FAF1: variants seen among roughly 807,000 people sequenced by gnomAD.
The protein encoded by FAF1 is FAS-associated factor 1.
In FAF1, 25 loss-of-function variants were observed where a neutral mutation model predicts 92.5. That is an observed-to-expected ratio of 0.27 (90% confidence interval 0.20 to 0.38). The LOEUF (loss-of-function observed/expected upper bound fraction) is 0.38, where lower values mean the gene tolerates loss of function less well. Among genes scored for constraint, FAF1 ranks in the 10% least tolerant of loss-of-function variants. FAF1 has a pLI of 1.00. For missense variants in FAF1, 636 were observed against 793.3 expected (o/e 0.80, Z 2.38); for synonymous variants, 234 against 273.2 (o/e 0.86, Z 1.42).
intron 13 of FAF1, 125 bp downstream of exon 13, chr1:50,566,952 T>C (rs146559295): frequency 3.1e-6 from 2 of 637,944 alleles, no homozygotes; most frequent in East Asian, 2.9e-5. Flanking sequence ...GAGCAGCTTT[T>C]GTCTAATGAA....
At chr1:50,782,242 G>A (rs1661205094) in intron 4 of FAF1, among the ~76,000 whole-genome samples, 2 of 151,738 alleles carry the variant, frequency 1.3e-5, no homozygotes, top group Non-Finnish European at 1.5e-5. Flanking sequence ...GTATTCTAAA[G>A]GTATCATTAC....
intron 1 of FAF1, among the ~76,000 whole-genome samples, chr1:50,871,198 T>C (rs927155138): frequency 1.3e-5 from 2 of 152,132 alleles, no homozygotes; most frequent in African/African-American, 2.4e-5. Context: ...CTTGCAGAGG[T>C]TGGCTCAAGA....
At chr1:50,724,255 A>C (rs1199576915) in intron 6 of FAF1, among the ~76,000 whole-genome samples, 3 of 139,356 alleles carry the variant, frequency 2.2e-5, no homozygotes, top group Admixed American at 1.5e-4. Context: ...AAAAAAAAAA[A>C]CAACCATATA....
chr1:50,622,492 T>C (rs1165694706), intron 8 of FAF1, among the ~76,000 whole-genome samples: 1 of 152,198 alleles, frequency 6.6e-6, no homozygotes, highest in Non-Finnish European at 1.5e-5. Flanking sequence ...GAAGTGGCAC[T>C]TCCAGGCCGC....
intron 6 of FAF1, among the ~76,000 whole-genome samples, chr1:50,708,856 C>A (rs887461145): frequency 6.6e-6 from 1 of 152,118 alleles, no homozygotes; most frequent in African/African-American, 2.4e-5. Context: ...CCAAATGCTA[C>A]TGAGGCATTA....
In FAF1 at chr1:50,583,774, A is replaced by C; in HGVS notation, c.968-59T>G. 1 of 1,061,502 alleles carries C rather than the reference A, an allele frequency of 9.4e-7. No individual in the cohort carries two copies. The highest frequency in any genetic ancestry group is 1.4e-6 in the Non-Finnish European group (1 of 709,164). 65.8% of individuals were successfully genotyped at this position (1,061,502 alleles called of 1,614,324 possible). On this transcript the variant is annotated intron_variant, in intron 10 of 18. Coordinates refer to ENST00000396153, the MANE Select transcript of FAF1 (RefSeq NM_007051.3). The surrounding 1 kb of genome is among the most constrained non-coding windows in gnomAD (Gnocchi z 4.2). Reference sequence around the variant, plus strand: ...AAAAACAAAACAAATAGACACAAAAACAAACCACATAACATCTAATCCCAC... The same window carrying C: ...AAAAACAAAACAAATAGACACAAAACCAAACCACATAACATCTAATCCCAC...
chr1:50,550,307 C>T (rs188501650), intron 13 of FAF1, among the ~76,000 whole-genome samples: 7 of 147,406 alleles, frequency 4.7e-5, no homozygotes, highest in Admixed American at 1.4e-4. Flanking sequence ...ATCGAGATCG[C>T]GCCCCTGCAC....
At chr1:50,935,552 C>T (rs1645079545) in intron 1 of FAF1, among the ~76,000 whole-genome samples, 1 of 151,432 alleles carries the variant, frequency 6.6e-6, no homozygotes, top group Non-Finnish European at 1.5e-5. Flanking sequence ...CTCACTGCAA[C>T]CTCTGCCTCC....
chr1:50,808,650 A>G (rs569314810), intron 2 of FAF1, among the ~76,000 whole-genome samples: 2 of 151,024 alleles, frequency 1.3e-5, no homozygotes, highest in South Asian at 4.2e-4. Context: ...TTAAATCAAT[A>G]AAGATTTAAA....
At chr1:50,446,528 G>A (rs1572746602) in intron 18 of FAF1, among the ~76,000 whole-genome samples, 1 of 152,198 alleles carries the variant, frequency 6.6e-6, no homozygotes, top group Admixed American at 6.5e-5. Flanking sequence ...ATGCACTTCA[G>A]ATAAGGGATA....
chr1:50,915,612 G>T (rs553954618), intron 1 of FAF1, among the ~76,000 whole-genome samples: 3 of 151,978 alleles, frequency 2.0e-5, no homozygotes, highest in Admixed American at 2.0e-4. Context: ...TAAGGCAGGG[G>T]GCTGAAAATA....
intron 1 of FAF1, among the ~76,000 whole-genome samples, chr1:50,924,770 T>C (rs1189616621): frequency 6.6e-6 from 1 of 151,810 alleles, no homozygotes; most frequent in Non-Finnish European, 1.5e-5. Flanking sequence ...ATCACCTGAG[T>C]TCAAGAGTTC....
At chr1:50,721,890 T>C (rs1465178879) in intron 6 of FAF1, among the ~76,000 whole-genome samples, 1 of 152,116 alleles carries the variant, frequency 6.6e-6, no homozygotes, top group Admixed American at 6.6e-5. Flanking sequence ...TCCCAAAGTG[T>C]TGAGATTACA....
intron 7 of FAF1, among the ~76,000 whole-genome samples, chr1:50,693,651 T>C (rs557486704): frequency 6.6e-6 from 1 of 152,218 alleles, no homozygotes; most frequent in African/African-American, 2.4e-5. Context: ...TTAAAAAAAT[T>C]GATTTATAGA....
intron 18 of FAF1, chr1:50,469,428 T>C (rs1321261285): frequency 2.6e-5 from 4 of 152,222 alleles, no homozygotes; most frequent in African/African-American, 4.8e-5. Context: ...AGGTCTCTTG[T>C]TTCTTTCAGT....
chr1:50,688,671 G>A (rs567401781), intron 7 of FAF1, among the ~76,000 whole-genome samples: 2 of 152,234 alleles, frequency 1.3e-5, no homozygotes, highest in East Asian at 3.9e-4. Flanking sequence ...AATTAGCCGG[G>A]CGTTGTGGCG....
chr1:50,447,121 C>CTTTTTTTTTTTTT (rs61612294), intron 18 of FAF1, among the ~76,000 whole-genome samples: 5 of 112,848 alleles, frequency 4.4e-5, no homozygotes, highest in East Asian at 2.5e-4. Flanking sequence ...CATATTCCTG[C>CTTTTTTTTTTTTT]TTTTTTTTTT....
At chr1:50,662,171 G>A (rs1466399589) in intron 7 of FAF1, among the ~76,000 whole-genome samples, 1 of 152,090 alleles carries the variant, frequency 6.6e-6, no homozygotes, top group Non-Finnish European at 1.5e-5. Flanking sequence ...CATAAAAACA[G>A]TAACTGGAGA....
At chr1:50,917,567 CAAGGAAAGGAAA>C (rs1408466285) in intron 1 of FAF1, among the ~76,000 whole-genome samples, 4 of 139,972 alleles carry the variant, frequency 2.9e-5, no homozygotes, top group African/African-American at 8.0e-5. Flanking sequence ...AGTTAGAAGC[CAAGGAAAGGAAA>C]AAGGAAAGGA....
Sources: allele counts gnomAD v4.1 joint callset (sites outside exome capture counted in the v4.1 genomes callset), GRCh38; gene constraint gnomAD v4.1.1; non-coding constraint Gnocchi (gnomAD v3.1); transcripts MANE v1.5; gene names NCBI Gene and HGNC (gene_info 2026-07-23, HGNC 2026-07-21).